Variants in ABCC9 observed in about 807,000 individuals in gnomAD.
ABCC9 encodes ATP-binding cassette sub-family C member 9.
ABCC9 carries 95 observed loss-of-function variants against 188.3 expected under a neutral mutation model. The observed-to-expected ratio is 0.50, with a 90% CI of 0.43 to 0.60. The LOEUF (loss-of-function observed/expected upper bound fraction) is 0.60, where lower values mean the gene tolerates loss of function less well. Ranked by LOEUF, ABCC9 falls within the 20% of genes least tolerant of loss-of-function variation. ABCC9 has a pLI of 0.00. For synonymous variants in ABCC9, 659 were observed against 652.7 expected, an observed-to-expected ratio of 1.01 and a Z score of -0.15; for missense variants, 1,102 against 1,876.3, an observed-to-expected ratio of 0.59 and a Z score of 7.62.
rs188655786 is a variant in ABCC9, at chr12:21,805,415, G to T, written c.4512+583C>A. The T allele has an allele frequency of 2.5e-4, 271 of 1,083,642 alleles. 2 individuals carry two copies. The highest frequency in any genetic ancestry group is 2.5e-4 in the Non-Finnish European group (181 of 732,370). 67.1% of individuals were successfully genotyped at this position (1,083,642 alleles called of 1,614,324 possible). A position where few individuals can be genotyped will look rare whatever the true frequency, so the allele number is the denominator to read the frequency against. On this transcript the variant is annotated intron_variant, in intron 39 of 39. Transcript: ENST00000261200. ...AAGCAGTAAGCCTAAATATGAGCAA[G>T]AATCCACTTGCAAAGAGGAAAAGGC...
In ABCC9 at chr12:21,829,831, A is replaced by G. The variant is rs572662743; in HGVS notation, c.3567-771T>C. On this transcript the variant is annotated intron_variant, in intron 30 of 39. Transcript: ENST00000261200. ...AGTTGGGTGGGAAGTGCTGGCACAGAACCAGGGAAGACAGAAAACTATGCA... is the reference window on the plus strand; with the variant it reads ...AGTTGGGTGGGAAGTGCTGGCACAGGACCAGGGAAGACAGAAAACTATGCA... Among the ~76,000 whole-genome samples, 7 of 152,312 alleles carry G rather than the reference A, an allele frequency of 4.6e-5. 1 individual carries two copies. Among genetic ancestry groups the G allele is most frequent in the African/African-American group, 1.7e-4 (7 of 41,578 alleles).
chr12:21,899,809 C>T (rs1189517830), intron 12 of ABCC9, among the ~76,000 whole-genome samples: 1 of 152,150 alleles, frequency 6.6e-6, no homozygotes, highest in South Asian at 2.1e-4. Flanking sequence ...ACAGAGCAGC[C>T]GGGAAGCTCA....
At chr12:21,840,684 C>T (rs1944334171) in intron 29 of ABCC9, among the ~76,000 whole-genome samples, 1 of 152,156 alleles carries the variant, frequency 6.6e-6, no homozygotes, top group Non-Finnish European at 1.5e-5. Flanking sequence ...GCAATAGTAT[C>T]AGAAGAAAAG....
At chr12:21,933,525 C>G (rs1949367426) in intron 4 of ABCC9, among the ~76,000 whole-genome samples, 1 of 151,986 alleles carries the variant, frequency 6.6e-6, no homozygotes, top group African/African-American at 2.4e-5. Flanking sequence ...ATGGAAAAAT[C>G]TGAGAAATAA....
Position 21,799,075 on chromosome 12 carries a change from T to C in ABCC9, c.*1969A>G, listed in dbSNP as rs1941305933. The stretch of plus-strand genomic sequence containing the variant: ...GATCACATGGACACAGGAAGGGGAA[T>C]ATCACACTCTGGGGACTGTGGTGGG... On this transcript the variant is annotated 3_prime_UTR_variant, in exon 40 of 40. Coordinates refer to ENST00000261200, the MANE Select transcript of ABCC9 (RefSeq NM_020297.4). The C allele has an allele frequency of 7.1e-6, 1 of 141,298 alleles. No homozygotes were observed. Among genetic ancestry groups the C allele is most frequent in the Non-Finnish European group, 1.5e-5 (1 of 65,388 alleles). The allele number at this position is 141,298 out of a possible 1,614,324, so 8.8% of individuals were successfully genotyped here. A position where few individuals can be genotyped will look rare whatever the true frequency, so the allele number is the denominator to read the frequency against.
chr12:21,840,384 C>G (rs543809130), intron 29 of ABCC9, among the ~76,000 whole-genome samples: 1 of 152,120 alleles, frequency 6.6e-6, no homozygotes, highest in African/African-American at 2.4e-5. Flanking sequence ...GCGTACAATC[C>G]ATTGTCAATA....
At chr12:21,925,326 A>T (rs945724193) in intron 5 of ABCC9, 1 of 518,992 alleles carries the variant, frequency 1.9e-6, no homozygotes, top group Non-Finnish European at 3.4e-6. Flanking sequence ...TCTGATTTCC[A>T]CAGAACAAGG....
intron 16 of ABCC9, 74 bp downstream of exon 16, chr12:21,882,692 T>C: frequency 7.4e-7 from 1 of 1,356,538 alleles, no homozygotes; most frequent in South Asian, 1.2e-5. Flanking sequence ...TTTGGGACAC[T>C]TTCACAGAAC....
chr12:21,929,839 A>AT (rs538894504), intron 4 of ABCC9, among the ~76,000 whole-genome samples: 15 of 152,040 alleles, frequency 9.9e-5, no homozygotes, highest in South Asian at 8.3e-4. Context: ...ATATATACAT[A>AT]TTTTTTTATT....
intron 29 of ABCC9, among the ~76,000 whole-genome samples, chr12:21,841,342 GTTTCCTT>G (rs1421691097): frequency 0.5 from 56,771 of 114,156 alleles, 16,497 homozygotes; most frequent in African/African-American, 0.6. Flanking sequence ...TATGTTTCTG[GTTTCCTT>G]TTTTTTTTTT....
chr12:21,814,780 CTTAAG>C (rs1160592584), intron 34 of ABCC9, 58 bp from the exon 35 acceptor site: 6 of 1,441,910 alleles, frequency 4.2e-6, no homozygotes, highest in South Asian at 3.4e-5. Flanking sequence ...AGAAGATTAG[CTTAAG>C]TTTTGTTTTT....
At chr12:21,919,484 A>G (rs1433421653) in intron 5 of ABCC9, among the ~76,000 whole-genome samples, 1 of 152,002 alleles carries the variant, frequency 6.6e-6, no homozygotes, top group East Asian at 1.9e-4. Flanking sequence ...AAAGAAGTAG[A>G]TACTCTGAAA....
rs573465261 is a variant in ABCC9 at position 21,862,235 on chromosome 12, T to C, written c.2339+718A>G. Among the ~76,000 whole-genome samples the C allele has an allele frequency of 1.2e-4, 19 of 152,282 alleles. No homozygotes were observed. In the East Asian group the frequency reaches 3.5e-3, roughly 28 times the overall value. On this transcript the variant is annotated intron_variant, in intron 20 of 39. Transcript: ENST00000261200. ...CCATATATATGTATATATGCACATA[T>C]GTGAATCTGTATATATAGAATGCAC...
At chr12:21,894,887 A>G (rs1046902196) in intron 13 of ABCC9, among the ~76,000 whole-genome samples, 1 of 152,236 alleles carries the variant, frequency 6.6e-6, no homozygotes, top group African/African-American at 2.4e-5. Flanking sequence ...TTGTTGTAAG[A>G]GTATCTGGGA....
At chr12:21,872,924 T>C (rs1946152286) in intron 17 of ABCC9, among the ~76,000 whole-genome samples, 194 bp from the exon 18 acceptor site, 1 of 151,660 alleles carries the variant, frequency 6.6e-6, no homozygotes, top group Non-Finnish European at 1.5e-5. Flanking sequence ...TATATAATGA[T>C]TTATTATTTT....
At chr12:21,879,971 C>T (rs576678887) in intron 16 of ABCC9, among the ~76,000 whole-genome samples, 1 of 151,746 alleles carries the variant, frequency 6.6e-6, no homozygotes, top group South Asian at 2.1e-4. Context: ...TAAATGAAGG[C>T]TATCAGTTGA....
chr12:21,886,970 C>A (rs1946905809), intron 15 of ABCC9, among the ~76,000 whole-genome samples: 1 of 152,114 alleles, frequency 6.6e-6, no homozygotes, highest in African/African-American at 2.4e-5. Flanking sequence ...CCAATTCACT[C>A]TCTAATACCC....
At position 21,798,137 on chromosome 12, in the gene ABCC9, C is replaced by T. The variant is rs1269950294; in HGVS notation, c.*2907G>A. 6.6e-6 allele frequency: 1 copy of T among 152,242 alleles called. No homozygotes were observed. Among genetic ancestry groups the T allele is most frequent in the Non-Finnish European group, 1.5e-5 (1 of 68,040 alleles). The allele number at this position is 152,242 out of a possible 1,614,324, so 9.4% of individuals were successfully genotyped here. ...AAAGTTATGAGGGGACCAGCAACCA[C>T]TTGGCTGTAAGAATGGTGAATGTGA... is the stretch of plus-strand genomic sequence containing the variant. On this transcript the variant is annotated 3_prime_UTR_variant, in exon 40 of 40. Transcript: ENST00000261200.
chr12:21,841,363 T>C (rs1037952242), intron 29 of ABCC9, among the ~76,000 whole-genome samples: 1 of 134,658 alleles, frequency 7.4e-6, no homozygotes, highest in African/African-American at 2.8e-5. Flanking sequence ...TTTTTTTTTT[T>C]TTTTTTTTTT....
Sources: gnomAD v4.1 joint callset for allele counts (sites outside exome capture counted in the v4.1 genomes callset) on GRCh38, gnomAD v4.1.1 for gene constraint, MANE v1.5 for transcripts, NCBI Gene and HGNC (gene_info 2026-07-23, HGNC 2026-07-21) for gene names.